Variants in TAFA4 observed in about 807,000 individuals in gnomAD.
The protein encoded by TAFA4 is TAFA chemokine like family member 4.
TAFA4 carries 20 observed loss-of-function variants against 21.1 expected under a neutral mutation model. The observed-to-expected ratio is 0.95, with a 90% CI of 0.67 to 1.38. TAFA4 has a LOEUF of 1.38. Among genes scored for constraint, TAFA4 ranks in the 40% most tolerant of loss-of-function variants. The probability of loss-of-function intolerance (pLI) is 0.00; values close to 1 mark genes in which losing one functional copy is unlikely to be tolerated. For synonymous variants in TAFA4, 71 were observed against 67.4 expected (o/e 1.05, Z -0.26); for missense variants, 211 against 180.9 (o/e 1.17, Z -0.95).
intron 1 of TAFA4, among the ~76,000 whole-genome samples, chr3:68,920,080 A>G (rs1256265385): frequency 2.6e-5 from 4 of 152,250 alleles, no homozygotes; most frequent in African/African-American, 9.6e-5. Flanking sequence ...TCTGTAGTAG[A>G]AAAAACTGGG....
At chr3:68,799,539 G>A (rs541456098) in intron 3 of TAFA4, among the ~76,000 whole-genome samples, 100 of 152,240 alleles carry the variant, frequency 6.6e-4, no homozygotes, top group African/African-American at 2.3e-3. Context: ...CTTTGCAGTT[G>A]TGATTAAATC....
intron 3 of TAFA4, among the ~76,000 whole-genome samples, chr3:68,828,472 T>C (rs1386327663): frequency 6.6e-6 from 1 of 152,174 alleles, no homozygotes; most frequent in Non-Finnish European, 1.5e-5. Flanking sequence ...TTGGGCAGTA[T>C]GGCCATTTCC....
At chr3:68,889,469 G>A (rs1390970015) in intron 1 of TAFA4, among the ~76,000 whole-genome samples, 3 of 152,270 alleles carry the variant, frequency 2.0e-5, no homozygotes, top group Admixed American at 6.5e-5. Flanking sequence ...CATTATTGGT[G>A]AGGTGAATTC....
At chr3:68,905,508 T>C (rs1310491814) in intron 1 of TAFA4, among the ~76,000 whole-genome samples, 1 of 152,090 alleles carries the variant, frequency 6.6e-6, no homozygotes, top group East Asian at 1.9e-4. Context: ...AAAAAATTAA[T>C]ATGTCAGATA....
intron 1 of TAFA4, among the ~76,000 whole-genome samples, chr3:68,893,121 T>G (rs376983554): frequency 1.3e-5 from 2 of 152,196 alleles, no homozygotes; most frequent in African/African-American, 4.8e-5. Flanking sequence ...TTCCTCTCAT[T>G]TCTCATTTTT....
Position 68,919,810 on chromosome 3 carries a change from T to C in TAFA4, c.-123+12430A>G, listed in dbSNP as rs376624995. On this transcript the variant is annotated intron_variant, in intron 1 of 5. Transcript: ENST00000295569. ...CTTGACCTGTTCTGGAGTTAACATA[T>C]CTGAATTCCAAGAGAACATAATGAT... 2.6e-5 allele frequency among the ~76,000 whole-genome samples: 4 copies of C among 152,280 alleles called. No homozygotes were observed. In the East Asian group the frequency reaches 5.8e-4, roughly 22 times the overall value.
chr3:68,780,707 T>C (rs1312733903), intron 3 of TAFA4, among the ~76,000 whole-genome samples: 1 of 152,218 alleles, frequency 6.6e-6, no homozygotes, highest in Non-Finnish European at 1.5e-5. Flanking sequence ...TTCTCAGGTA[T>C]GTCTTTATCA....
chr3:68,775,890 T>A (rs1033240709), intron 3 of TAFA4, among the ~76,000 whole-genome samples: 12 of 151,994 alleles, frequency 7.9e-5, no homozygotes, highest in African/African-American at 2.9e-4. Flanking sequence ...CTGTCCAGCA[T>A]TCAATAAAAA....
intron 3 of TAFA4, among the ~76,000 whole-genome samples, chr3:68,845,881 T>C (rs1704777826): frequency 6.6e-6 from 1 of 152,228 alleles, no homozygotes; most frequent in African/African-American, 2.4e-5. Context: ...TGCTGAGAGA[T>C]CCGCTGTTAG....
chr3:68,927,505 T>C (rs1264490717), intron 1 of TAFA4, among the ~76,000 whole-genome samples: 1 of 152,240 alleles, frequency 6.6e-6, no homozygotes, highest in Non-Finnish European at 1.5e-5. Context: ...TAGTTTAAAA[T>C]GAACTTATAG....
rs35159824 is a variant in TAFA4, at chr3:68,931,681, C to G, written c.-123+559G>C. Among the ~76,000 whole-genome samples, 890 of 149,918 alleles carry G rather than the reference C, an allele frequency of 5.9e-3. 6 individuals carry two copies. The highest frequency in any genetic ancestry group is 8.5e-3 in the Non-Finnish European group (575 of 67,586). On this transcript the variant is annotated intron_variant, in intron 1 of 5. Coordinates refer to ENST00000295569, the MANE Select transcript of TAFA4 (RefSeq NM_182522.5). ...GACCCGCTCCAGTTCTCCACTTGGG[C>G]GGGAAGCTTTGCGCTCCCAGCTGGA...
rs569866780 is a variant in TAFA4, at chr3:68,797,567, C to G, written c.131-44549G>C. 2.9e-5 allele frequency among the ~76,000 whole-genome samples: 4 copies of G among 135,974 alleles called. No homozygotes were observed. The Admixed American group carries it at 3.2e-4, about 11-fold the overall frequency. The allele number at this position is 135,974 out of a possible 152,430, so 89.2% of individuals were successfully genotyped here. On this transcript the variant is annotated intron_variant, in intron 3 of 5. Coordinates refer to ENST00000295569, the MANE Select transcript of TAFA4 (RefSeq NM_182522.5). Reference sequence around the variant, plus strand: ...GACAGAGGTTGCAGTGAGCTGAGATCATGCCACTACACTCCAGCCTGGGCA... The same window carrying G: ...GACAGAGGTTGCAGTGAGCTGAGATGATGCCACTACACTCCAGCCTGGGCA...
intron 3 of TAFA4, among the ~76,000 whole-genome samples, chr3:68,761,815 G>A (rs551634883): frequency 1.3e-5 from 2 of 152,194 alleles, no homozygotes; most frequent in Non-Finnish European, 2.9e-5. Flanking sequence ...GACCAATGTG[G>A]TAGCAGTGGA....
chr3:68,746,252 G>T (rs1702456495), intron 4 of TAFA4, among the ~76,000 whole-genome samples: 1 of 152,118 alleles, frequency 6.6e-6, no homozygotes, highest in South Asian at 2.1e-4. Flanking sequence ...TCCTCAGCTT[G>T]CAGACAGCCA....
chr3:68,857,935 G>T (rs114526024), intron 3 of TAFA4, among the ~76,000 whole-genome samples: 11 of 152,090 alleles, frequency 7.2e-5, no homozygotes, highest in Non-Finnish European at 1.3e-4. Flanking sequence ...CCTAGAGCAG[G>T]CCAATTGACC....
Position 68,898,072 on chromosome 3 carries a change from G to GT in TAFA4, c.-122-12763dup. ...GGTCCAGGACATGTGGCACAGGGAA[G>GT]TGAGTGCAATCAGGAGAGCTGGAGA... On this transcript the variant is annotated intron_variant, in intron 1 of 5. Transcript: ENST00000295569. Among the ~76,000 whole-genome samples the GT allele has an allele frequency of 1.3e-5, 2 of 152,208 alleles. 1 individual carries two copies. The highest frequency in any genetic ancestry group is 2.9e-5 in the Non-Finnish European group (2 of 68,044).
chr3:68,763,864 C>T (rs970425751), intron 3 of TAFA4, among the ~76,000 whole-genome samples: 2 of 75,630 alleles, frequency 2.6e-5, no homozygotes, highest in African/African-American at 4.8e-5. Flanking sequence ...GTATGTATGA[C>T]AGACTACACA....
chr3:68,844,434 GTCTA>G (rs1193168537), intron 3 of TAFA4, among the ~76,000 whole-genome samples: 9 of 150,768 alleles, frequency 6.0e-5, no homozygotes, highest in Non-Finnish European at 1.2e-4. Context: ...CTGGCTAGTA[GTCTA>G]TCTATTTTGT....
chr3:68,741,805 A>T, intron 4 of TAFA4, among the ~76,000 whole-genome samples: 1 of 152,096 alleles, frequency 6.6e-6, no homozygotes, highest in Non-Finnish European at 1.5e-5. Context: ...AAAAAATAAA[A>T]ATAAAAATAA....
Sources: allele counts gnomAD v4.1 joint callset (sites outside exome capture counted in the v4.1 genomes callset), GRCh38; gene constraint gnomAD v4.1.1; transcripts MANE v1.5; gene names NCBI Gene and HGNC (gene_info 2026-07-23, HGNC 2026-07-21).